The following TAAR5 variants were observed in gnomAD, a reference collection of about 807,000 sequenced individuals.
TAAR5 encodes trace amine associated receptor 5.
Under a neutral mutation model 21.1 loss-of-function variants are expected in TAAR5, and 27 were observed. The ratio of observed to expected loss-of-function variants is 1.28; its 90% confidence interval spans 0.94 to 1.76. The LOEUF (loss-of-function observed/expected upper bound fraction) is 1.76, where lower values mean the gene tolerates loss of function less well. Among genes scored for constraint, TAAR5 ranks in the 40% most tolerant of loss-of-function variants. TAAR5 has a pLI of 0.00. For synonymous variants in TAAR5, 203 were observed against 167.5 expected, an observed-to-expected ratio of 1.21 and a Z score of -1.64; for missense variants, 495 against 405.6, an observed-to-expected ratio of 1.22 and a Z score of -1.89.
chr6:132,593,047 C>T (rs1487649772), upstream of TAAR5, among the ~76,000 whole-genome samples: 1 of 152,188 alleles, frequency 6.6e-6, no homozygotes, highest in Admixed American at 6.5e-5. Context: ...CTTGCTTCCT[C>T]ATGCCGATCT....
chr6:132,608,594 G>A, the TAAR5 span: 6 of 455,624 alleles, frequency 1.3e-5, no homozygotes, highest in Admixed American at 1.2e-4. Flanking sequence ...CTGATGACTC[G>A]AGCATGCTGT....
At chr6:132,613,589 A>G in the TAAR5 span, among the ~76,000 whole-genome samples, 1 of 152,182 alleles carries the variant, frequency 6.6e-6, no homozygotes, top group African/African-American at 2.4e-5. Flanking sequence ...GCACTGACTA[A>G]GGTTGGCATA....
At chr6:132,613,997 G>T in the TAAR5 span, among the ~76,000 whole-genome samples, 1 of 152,130 alleles carries the variant, frequency 6.6e-6, no homozygotes, top group Non-Finnish European at 1.5e-5. Context: ...TTTCCTTTCA[G>T]TTTTCTTTGT....
At chr6:132,614,703 C>T in the TAAR5 span, among the ~76,000 whole-genome samples, 1 of 152,102 alleles carries the variant, frequency 6.6e-6, no homozygotes, top group East Asian at 1.9e-4. Context: ...TATAAGTTTG[C>T]TTCTGCTCTC....
At chr6:132,597,378 C>T in the TAAR5 span, among the ~76,000 whole-genome samples, 2 of 152,156 alleles carry the variant, frequency 1.3e-5, no homozygotes, top group East Asian at 1.9e-4. Flanking sequence ...AAACTCCTAT[C>T]TTAAGCTCTT....
At chr6:132,616,533 C>A in the TAAR5 span, among the ~76,000 whole-genome samples, 13 of 152,164 alleles carry the variant, frequency 8.5e-5, no homozygotes, top group African/African-American at 2.9e-4. Flanking sequence ...TGAAAACCTG[C>A]CTGGAGTCTG....
At chr6:132,592,773 G>A (rs1333262601), upstream of TAAR5, among the ~76,000 whole-genome samples, 1 of 152,102 alleles carries the variant, frequency 6.6e-6, no homozygotes. Flanking sequence ...CATTCTTCCT[G>A]TACAGCCTGC....
At chr6:132,606,516 C>T in the TAAR5 span, among the ~76,000 whole-genome samples, 1 of 152,264 alleles carries the variant, frequency 6.6e-6, no homozygotes, top group Middle Eastern at 3.4e-3. Flanking sequence ...AATGTCCCTT[C>T]CTAGATAGAG....
the TAAR5 span, among the ~76,000 whole-genome samples, chr6:132,604,559 G>A: frequency 1.3e-5 from 2 of 152,102 alleles, no homozygotes; most frequent in African/African-American, 4.8e-5. Context: ...CCCCCACATA[G>A]GGCAAACGGG....
upstream of TAAR5, among the ~76,000 whole-genome samples, chr6:132,594,220 C>T (rs928204110): frequency 1.3e-5 from 2 of 152,120 alleles, no homozygotes; most frequent in Admixed American, 6.5e-5. Flanking sequence ...AAATGGACCG[C>T]TTTGGTAGCT....
chr6:132,592,151 G>A (rs542062696), upstream of TAAR5, among the ~76,000 whole-genome samples: 1 of 152,324 alleles, frequency 6.6e-6, no homozygotes, highest in African/African-American at 2.4e-5. Context: ...TAATGTTGCA[G>A]CAAGCTGCTA....
At chr6:132,595,808 A>G in the TAAR5 span, among the ~76,000 whole-genome samples, 2 of 152,190 alleles carry the variant, frequency 1.3e-5, no homozygotes, top group Admixed American at 6.5e-5. Flanking sequence ...ACAGTTTTTA[A>G]ACAATAAAAT....
At chr6:132,600,794 A>T in the TAAR5 span, among the ~76,000 whole-genome samples, 3,037 of 133,540 alleles carry the variant, frequency 0.023, 7 homozygotes, top group Admixed American at 0.064. Context: ...GGAGGGAAGG[A>T]GGGGAGGAAG....
the TAAR5 span, among the ~76,000 whole-genome samples, chr6:132,601,524 G>A: frequency 2.6e-5 from 4 of 152,158 alleles, no homozygotes; most frequent in African/African-American, 9.7e-5. Context: ...TCACTGACAT[G>A]CAGTAAAATA....
At chr6:132,597,846 G>A in the TAAR5 span, among the ~76,000 whole-genome samples, 1 of 152,116 alleles carries the variant, frequency 6.6e-6, no homozygotes, top group Non-Finnish European at 1.5e-5. Context: ...GGGAGAAGAC[G>A]ATAGACTAAT....
chr6:132,592,901 G>C (rs1428677105), upstream of TAAR5, among the ~76,000 whole-genome samples: 1 of 151,996 alleles, frequency 6.6e-6, no homozygotes, highest in African/African-American at 2.4e-5. Flanking sequence ...AAGCAACAGT[G>C]GTCCCAGATC....
the TAAR5 span, chr6:132,594,913 ATGTTTAGTTTTGAGAATAC>A: frequency 6.6e-6 from 1 of 152,248 alleles, no homozygotes; most frequent in African/African-American, 2.4e-5. Context: ...TGCACCAATT[ATGTTTAGTTTTGAGAATAC>A]CAGGCCAAAG....
the TAAR5 span, among the ~76,000 whole-genome samples, chr6:132,606,549 C>T: frequency 6.6e-6 from 1 of 152,162 alleles, no homozygotes; most frequent in African/African-American, 2.4e-5. Flanking sequence ...AAATGGAGAT[C>T]AGCCTTTAGA....
chr6:132,590,389 T>A (rs1257139053), upstream of TAAR5, among the ~76,000 whole-genome samples: 1 of 152,226 alleles, frequency 6.6e-6, no homozygotes, highest in Non-Finnish European at 1.5e-5. Context: ...TTGGTATAAC[T>A]ATTTGATAGG....
Sources: allele counts gnomAD v4.1 joint callset (sites outside exome capture counted in the v4.1 genomes callset), GRCh38; gene constraint gnomAD v4.1.1; transcripts MANE v1.5; gene names NCBI Gene and HGNC (gene_info 2026-07-23, HGNC 2026-07-21).